Variants in SOX5 observed in about 807,000 individuals in gnomAD.
The protein encoded by SOX5 is transcription factor SOX-5.
Under a neutral mutation model 92.0 loss-of-function variants are expected in SOX5, and 9 were observed. That is an observed-to-expected ratio of 0.10 (90% CI 0.06 to 0.17). SOX5 has a LOEUF of 0.17. Among genes scored for constraint, SOX5 ranks in the 10% least tolerant of loss-of-function variants. The pLI, the probability that SOX5 is intolerant of heterozygous loss-of-function variation, is 1.00. For missense variants in SOX5, 642 were observed against 944.5 expected (o/e 0.68, Z 4.20); for synonymous variants, 344 against 336.3 (o/e 1.02, Z -0.25).
chr12:24,216,513 T>C (rs1959177562), intron 3 of SOX5, among the ~76,000 whole-genome samples: 1 of 152,048 alleles, frequency 6.6e-6, no homozygotes, highest in East Asian at 1.9e-4. Flanking sequence ...TCCCATGTAA[T>C]TAGAGTGATG....
At chr12:24,225,187 A>G (rs1201185873) in intron 3 of SOX5, among the ~76,000 whole-genome samples, 5 of 152,202 alleles carry the variant, frequency 3.3e-5, no homozygotes, top group Non-Finnish European at 7.3e-5. Context: ...GCTCAGGTGG[A>G]AAGGAATGTC....
At chr12:24,445,376 TA>T (rs1306381260) in intron 1 of SOX5, among the ~76,000 whole-genome samples, 2 of 151,840 alleles carry the variant, frequency 1.3e-5, no homozygotes, top group Admixed American at 1.3e-4. Context: ...AAAAAGGAGG[TA>T]AAAGGGAAAG....
At chr12:24,266,726 A>G (rs1328840419) in intron 3 of SOX5, among the ~76,000 whole-genome samples, 1 of 152,230 alleles carries the variant, frequency 6.6e-6, no homozygotes, top group Non-Finnish European at 1.5e-5. Flanking sequence ...ATAGTTGACC[A>G]GTTTTAACAA....
At chr12:23,697,713 G>A (rs2090075473) in intron 6 of SOX5, among the ~76,000 whole-genome samples, 1 of 151,974 alleles carries the variant, frequency 6.6e-6, no homozygotes, top group African/African-American at 2.4e-5. Context: ...ACCATGTTTG[G>A]CTAATTTTTA....
In SOX5 at chr12:24,166,719, C is replaced by T. The variant is rs11047291; in HGVS notation, c.-2+46624G>A. The stretch of plus-strand genomic sequence containing the variant: ...ATCATGTTTTTAAGACTTACGCATG[C>T]TATTGCACATAAAGCTAATTCATTC... On this transcript the variant is annotated intron_variant, in intron 4 of 4. Coordinates refer to the SOX5 transcript ENST00000446891. Among the ~76,000 whole-genome samples the T allele has an allele frequency of 1.6e-3, 243 of 152,316 alleles. 6 individuals carry two copies. In the East Asian group the frequency reaches 0.04, roughly 25 times the overall value.
intron 4 of SOX5, among the ~76,000 whole-genome samples, chr12:24,074,179 G>C (rs1463352649): frequency 3.3e-5 from 5 of 152,054 alleles, no homozygotes; most frequent in Admixed American, 1.3e-4. Flanking sequence ...AAATGCACCT[G>C]ATCTCTCATC....
chr12:24,078,218 A>T (rs925045996), intron 4 of SOX5, among the ~76,000 whole-genome samples: 2 of 152,170 alleles, frequency 1.3e-5, no homozygotes, highest in African/African-American at 4.8e-5. Flanking sequence ...AAACAGTTTT[A>T]AAAAAAGGTG....
At chr12:24,385,893 C>G (rs1281624959) in intron 1 of SOX5, among the ~76,000 whole-genome samples, 1 of 135,748 alleles carries the variant, frequency 7.4e-6, no homozygotes, top group Non-Finnish European at 1.6e-5. Flanking sequence ...GATCATGCCA[C>G]TCCAGCCTGG....
chr12:23,755,632 T>C lies in SOX5; in HGVS notation c.568+6A>G. ...ATTTTGGATAAAAACAATCACACCA[T>C]ATTACCTTTTATTTCGCCAAAGTTC... On this transcript the variant is annotated splice_donor_region_variant and intron_variant, in intron 4 of 14. Coordinates refer to ENST00000451604, the MANE Select transcript of SOX5 (RefSeq NM_006940.6). 6.3e-7 allele frequency: 1 copy of C among 1,576,146 alleles called. No homozygotes were observed. The highest frequency in any genetic ancestry group is 8.6e-7 in the Non-Finnish European group (1 of 1,156,828).
intron 4 of SOX5, among the ~76,000 whole-genome samples, chr12:24,130,035 T>A (rs571713933): frequency 3.9e-5 from 6 of 152,296 alleles, no homozygotes; most frequent in African/African-American, 1.4e-4. Context: ...GTATATTGCA[T>A]GTATCTGGAA....
intron 1 of SOX5, among the ~76,000 whole-genome samples, chr12:23,937,623 G>A (rs1003270689): frequency 4.0e-5 from 6 of 150,838 alleles, no homozygotes; most frequent in Non-Finnish European, 7.4e-5. Flanking sequence ...ACCATCTGGG[G>A]TTCTCATCCT....
chr12:24,337,481 C>T (rs936751690), intron 2 of SOX5, among the ~76,000 whole-genome samples: 3 of 152,014 alleles, frequency 2.0e-5, no homozygotes, highest in African/African-American at 7.2e-5. Flanking sequence ...GCTGGGACTA[C>T]AGGTGTGTGC....
chr12:23,676,999 A>T (rs987421113), intron 6 of SOX5, among the ~76,000 whole-genome samples: 1 of 152,224 alleles, frequency 6.6e-6, no homozygotes, highest in African/African-American at 2.4e-5. Context: ...GTGATTATTT[A>T]AAAAGATATT....
chr12:24,280,252 G>A (rs1037448135), intron 2 of SOX5, among the ~76,000 whole-genome samples: 1 of 152,138 alleles, frequency 6.6e-6, no homozygotes, highest in Non-Finnish European at 1.5e-5. Flanking sequence ...AGTGCAGCAC[G>A]AGGGAAAGAT....
At chr12:23,791,731 T>TA (rs377392918) in intron 3 of SOX5, among the ~76,000 whole-genome samples, 19 of 152,260 alleles carry the variant, frequency 1.2e-4, no homozygotes, top group African/African-American at 4.1e-4. Flanking sequence ...TTATATGAAT[T>TA]ACTGAGACTC....
At chr12:24,481,217 C>T (rs1945952279) in intron 1 of SOX5, among the ~76,000 whole-genome samples, 1 of 151,764 alleles carries the variant, frequency 6.6e-6, no homozygotes. Context: ...AACAATTGAC[C>T]TCATGGAGAT....
At chr12:24,089,269 A>T (rs1037724405) in intron 4 of SOX5, among the ~76,000 whole-genome samples, 5 of 152,244 alleles carry the variant, frequency 3.3e-5, no homozygotes, top group African/African-American at 1.2e-4. Flanking sequence ...ATCCTAAAAA[A>T]CAAAGAACGA....
chr12:24,376,487 A>G (rs1024756916), intron 1 of SOX5, among the ~76,000 whole-genome samples: 3 of 152,184 alleles, frequency 2.0e-5, no homozygotes, highest in African/African-American at 7.2e-5. Context: ...ATAGGCACCA[A>G]AAAGCTAAAC....
At chr12:23,604,564 G>A (rs1164818925) in intron 8 of SOX5, 31 bp from the exon 9 acceptor site, 2 of 1,593,972 alleles carry the variant, frequency 1.3e-6, no homozygotes, top group South Asian at 1.1e-5. Context: ...GAGGGAGAAA[G>A]AATACTGTGA....
Sources: allele counts gnomAD v4.1 joint callset (sites outside exome capture counted in the v4.1 genomes callset), GRCh38; gene constraint gnomAD v4.1.1; transcripts MANE v1.5; gene names NCBI Gene and HGNC (gene_info 2026-07-23, HGNC 2026-07-21).